MSMB: variants seen among roughly 807,000 people sequenced by gnomAD.
The protein encoded by MSMB is microseminoprotein beta, also known as beta-microseminoprotein.
Under a neutral mutation model 10.5 loss-of-function variants are expected in MSMB, and 10 were observed. The ratio of observed to expected loss-of-function variants is 0.95; its 90% CI spans 0.59 to 1.62. The LOEUF (loss-of-function observed/expected upper bound fraction) is 1.62. Ranked by LOEUF, MSMB falls within the 40% of genes most tolerant of loss-of-function variation. The pLI, the probability that MSMB is intolerant of heterozygous loss-of-function variation, is 0.00. For missense variants in MSMB, 126 were observed against 137.4 expected (o/e 0.92, Z 0.42); for synonymous variants, 43 against 46.5 (o/e 0.93, Z 0.30).
intron 3 of MSMB, among the ~76,000 whole-genome samples, chr10:46,035,631 G>T (rs12254969): frequency 6.6e-6 from 1 of 152,200 alleles, no homozygotes; most frequent in East Asian, 1.9e-4. Context: ...GTAGACTTGA[G>T]ATTACCACAG....
chr10:46,034,909 T>C (rs1293701839), intron 3 of MSMB, among the ~76,000 whole-genome samples: 1 of 151,622 alleles, frequency 6.6e-6, no homozygotes, highest in Non-Finnish European at 1.5e-5. Context: ...GGGGCTGAGG[T>C]GAGACAACAG....
At chr10:46,045,940 C>T (rs1167670982) in intron 1 of MSMB, among the ~76,000 whole-genome samples, 1 of 152,168 alleles carries the variant, frequency 6.6e-6, no homozygotes, top group Non-Finnish European at 1.5e-5. Flanking sequence ...TTTCAAATTA[C>T]TCACATAGGA....
At chr10:46,038,003 G>T (rs1840648386) in intron 3 of MSMB, among the ~76,000 whole-genome samples, 1 of 152,166 alleles carries the variant, frequency 6.6e-6, no homozygotes, top group Non-Finnish European at 1.5e-5. Flanking sequence ...TATGCTAAGT[G>T]AAATGAGCCA....
intron 3 of MSMB, among the ~76,000 whole-genome samples, chr10:46,035,185 T>C (rs1554927402): frequency 6.6e-6 from 1 of 152,204 alleles, no homozygotes; most frequent in Non-Finnish European, 1.5e-5. Context: ...CTGGTAGGAA[T>C]GTAAAATGGT....
At chr10:46,039,120 A>G in intron 2 of MSMB, 49 bp from the exon 3 acceptor site, 1 of 1,524,662 alleles carries the variant, frequency 6.6e-7, no homozygotes, top group Non-Finnish European at 9.1e-7. Context: ...CAATGAGAAC[A>G]AGGCCTATCA....
At chr10:46,039,868 C>T in intron 2 of MSMB, 118 bp downstream of exon 2, 1 of 739,578 alleles carries the variant, frequency 1.4e-6, no homozygotes, top group Non-Finnish European at 2.2e-6. Context: ...GGAGACAGAG[C>T]ATGACTATCT....
In MSMB at chr10:46,033,478, C is replaced by T. The variant is rs781864932; in HGVS notation, c.289G>A (p.Val97Met). 3.7e-6 allele frequency: 6 copies of T among 1,614,000 alleles called. No homozygotes were observed. The highest frequency in any genetic ancestry group is 1.7e-4 in the Middle Eastern group (1 of 6,060). ...TTTTTTGGGTCCTTCTTCTCCACCA[C>T]GATATACTTGCAGTCCTCCTTCTTG... ...IFKKEDCKYI[V>M]VEKKDPKKTC... Residue 97 changes from valine (V) to methionine (M), a missense_variant, in exon 4 of 4, where the codon GTG (valine) becomes ATG (methionine). By Grantham distance (21) the Val-to-Met change is conservative. Coordinates refer to ENST00000582163, the MANE Select transcript of MSMB (RefSeq NM_002443.4).
chr10:46,035,704 T>C (rs547415727), intron 3 of MSMB, among the ~76,000 whole-genome samples: 6 of 152,318 alleles, frequency 3.9e-5, no homozygotes, highest in South Asian at 2.1e-4. Flanking sequence ...TTGGAGTCAT[T>C]AAAAAGATTT....
intron 3 of MSMB, among the ~76,000 whole-genome samples, chr10:46,036,739 C>T (rs1316451071): frequency 6.6e-6 from 1 of 152,182 alleles, no homozygotes; most frequent in African/African-American, 2.4e-5. Flanking sequence ...TGGCTCGTTT[C>T]CACACCAGGA....
rs782816727 is a variant in MSMB at position 46,033,428 on chromosome 10, T to C, written c.339A>G (p.Ile113Met). 1 of 1,613,638 alleles carries C rather than the reference T, an allele frequency of 6.2e-7. No homozygotes were observed. Among genetic ancestry groups the C allele is most frequent in the Non-Finnish European group, 8.5e-7 (1 of 1,179,598 alleles). ...PKKTCSVSEW[I>M]I ...TGTGCCTACTAGAAGCACATTAGAT[T>C]ATCCATTCACTGACAGAACAGGTCT... The change falls in exon 4 of 4, where the codon ATA (isoleucine) becomes ATG (methionine). Residue 113 changes from isoleucine to methionine, a missense_variant. Ile to Met is a conservative substitution (Grantham distance 10). Coordinates refer to ENST00000582163, the MANE Select transcript of MSMB (RefSeq NM_002443.4).
intron 1 of MSMB, 55 bp downstream of exon 1, chr10:46,046,180 G>A (rs1840892368): frequency 1.9e-6 from 3 of 1,548,926 alleles, no homozygotes; most frequent in African/African-American, 1.4e-5. Context: ...ATTAAAATAG[G>A]AATACATATT....
intron 1 of MSMB, among the ~76,000 whole-genome samples, chr10:46,045,093 C>T (rs1282990359): frequency 4.6e-5 from 7 of 152,332 alleles, no homozygotes; most frequent in African/African-American, 1.7e-4. Flanking sequence ...GCTCCTCCCA[C>T]TTGGCTGGCT....
intron 1 of MSMB, among the ~76,000 whole-genome samples, chr10:46,045,585 T>G (rs1418183888): frequency 1.3e-5 from 2 of 152,116 alleles, no homozygotes; most frequent in African/African-American, 2.4e-5. Context: ...GATTTTTCCT[T>G]AACACATGAT....
At chr10:46,038,902 G>A (rs889868244) in intron 3 of MSMB, 64 bp downstream of exon 3, 19 of 1,388,656 alleles carry the variant, frequency 1.4e-5, no homozygotes, top group South Asian at 9.4e-5. Context: ...TTTGCAAGAC[G>A]GAGTAGCTGT....
chr10:46,044,367 G>A (rs1287528393), intron 1 of MSMB, among the ~76,000 whole-genome samples: 1 of 150,114 alleles, frequency 6.7e-6, no homozygotes, highest in Non-Finnish European at 1.5e-5. Context: ...ATGAGGTCAG[G>A]AGATCGAGAC....
intron 1 of MSMB, among the ~76,000 whole-genome samples, chr10:46,044,603 A>AAAAAAAAAAATT: frequency 7.1e-6 from 1 of 141,074 alleles, no homozygotes; most frequent in African/African-American, 2.9e-5. Context: ...AAAAAAAAAA[A>AAAAAAAAAAATT]GTTGTATCTC....
chr10:46,039,634 C>T (rs573907867), intron 2 of MSMB, among the ~76,000 whole-genome samples: 1 of 152,380 alleles, frequency 6.6e-6, no homozygotes, highest in South Asian at 2.1e-4. Flanking sequence ...GTAATCCCAA[C>T]ACTTTGGGAG....
In MSMB at chr10:46,033,342, A is replaced by G. The variant is rs1840502846; in HGVS notation, c.*80T>C. 1 of 1,541,306 alleles carries G rather than the reference A, an allele frequency of 6.5e-7. No individual in the cohort carries two copies. The highest frequency in any genetic ancestry group is 1.4e-5 in the African/African-American group (1 of 72,202). On this transcript the variant is annotated 3_prime_UTR_variant, in exon 4 of 4. Coordinates refer to ENST00000582163, the MANE Select transcript of MSMB (RefSeq NM_002443.4). The stretch of plus-strand genomic sequence containing the variant: ...CTCAAAAATCTTTTTACTGATAGGC[A>G]TGGCTACACAATCATTGACTATTAG...
chr10:46,044,448 C>T (rs1412786768), intron 1 of MSMB, among the ~76,000 whole-genome samples: 1 of 145,760 alleles, frequency 6.9e-6, no homozygotes, highest in Non-Finnish European at 1.5e-5. Context: ...TGGTGGCGGG[C>T]GCCTGTAGTC....
Sources: gnomAD v4.1 joint callset for allele counts (sites outside exome capture counted in the v4.1 genomes callset) on GRCh38, gnomAD v4.1.1 for gene constraint, MANE v1.5 for transcripts, NCBI Gene and HGNC (gene_info 2026-07-23, HGNC 2026-07-21) for gene names.